The following CCDC39 variants were observed in gnomAD, a reference collection of about 807,000 sequenced individuals.
CCDC39 encodes the protein coiled-coil domain-containing protein 39.
In CCDC39, 113 loss-of-function variants were observed where a neutral mutation model predicts 121.0. The ratio of observed to expected loss-of-function variants is 0.93; its 90% confidence interval spans 0.80 to 1.09. The LOEUF is 1.09. Among genes scored for constraint, CCDC39 ranks in the 50% least tolerant of loss-of-function variants. The pLI is 0.00. For missense variants in CCDC39, 1,063 were observed against 1,074.7 expected (o/e 0.99, Z 0.15); for synonymous variants, 349 against 352.2 (o/e 0.99, Z 0.10).
chr3:180,668,015 G>A (rs1377792791), intron 1 of CCDC39, among the ~76,000 whole-genome samples: 4 of 152,138 alleles, frequency 2.6e-5, no homozygotes, highest in Admixed American at 2.6e-4. Context: ...GGCGAAGGCA[G>A]GTTTCTATAA....
At chr3:180,666,115 A>T (rs6770308) in intron 1 of CCDC39, among the ~76,000 whole-genome samples, 5,794 of 151,872 alleles carry the variant, frequency 0.038, 394 homozygotes, top group African/African-American at 0.13. Context: ...ATAAACACTG[A>T]CTCCCCATTC....
Position 180,660,645 on chromosome 3 carries a change from T to G in CCDC39, c.441A>C (p.Leu147Phe). ...NWDQQALEAW[L>F]EESAHKDSDA... ...CACTATCTTTATGAGCTGATTCTTC[T>G]AACCAGGCCTCCAATGCTTGCTGGT... Residue 147 changes from leucine to phenylalanine, a missense_variant, in exon 4 of 20, where the codon TTA becomes TTC. Transcript: ENST00000476379. 1.9e-6 allele frequency: 3 copies of G among 1,603,314 alleles called. No homozygotes were observed. The highest frequency in any genetic ancestry group is 2.6e-6 in the Non-Finnish European group (3 of 1,174,026).
intron 6 of CCDC39, among the ~76,000 whole-genome samples, chr3:180,658,291 AAAAAAAG>A (rs1326472172): frequency 6.7e-6 from 1 of 148,892 alleles, no homozygotes; most frequent in Admixed American, 6.7e-5. Flanking sequence ...TTAAAAAAAA[AAAAAAAG>A]AATTAAGAGA....
At chr3:180,646,259 C>T (rs1338526411) in intron 11 of CCDC39, among the ~76,000 whole-genome samples, 1 of 151,660 alleles carries the variant, frequency 6.6e-6, no homozygotes, top group Non-Finnish European at 1.5e-5. Context: ...TACTCCAAAC[C>T]AAAATTTTGT....
chr3:180,623,142 C>T (rs903425954), intron 14 of CCDC39, among the ~76,000 whole-genome samples: 4 of 148,688 alleles, frequency 2.7e-5, no homozygotes, highest in South Asian at 4.2e-4. Context: ...TTTATATTAT[C>T]GGTTTATTCG....
At chr3:180,646,590 T>A (rs1340594914) in intron 11 of CCDC39, among the ~76,000 whole-genome samples, 1 of 152,176 alleles carries the variant, frequency 6.6e-6, no homozygotes, top group Non-Finnish European at 1.5e-5. Flanking sequence ...TAACAACTGC[T>A]GACTCATAAA....
intron 7 of CCDC39, 117 bp downstream of exon 7, chr3:180,654,645 G>GAAAA: frequency 4.0e-5 from 18 of 448,710 alleles, no homozygotes; most frequent in South Asian, 1.8e-4. Context: ...AAAGAAAAAG[G>GAAAA]AAAAAAAAAA....
At chr3:180,633,112 T>C (rs1362345511) in intron 13 of CCDC39, among the ~76,000 whole-genome samples, 1 of 152,214 alleles carries the variant, frequency 6.6e-6, no homozygotes, top group Non-Finnish European at 1.5e-5. Flanking sequence ...TAATAGCTAT[T>C]ACGCTCTTTA....
At chr3:180,654,373 T>C (rs913770345) in intron 7 of CCDC39, among the ~76,000 whole-genome samples, 4 of 151,728 alleles carry the variant, frequency 2.6e-5, no homozygotes, top group African/African-American at 4.8e-5. Flanking sequence ...CTCCTTGACA[T>C]TGGTATCTGT....
intron 1 of CCDC39, among the ~76,000 whole-genome samples, chr3:180,677,033 T>C (rs1315013072): frequency 1.3e-5 from 2 of 150,100 alleles, no homozygotes; most frequent in East Asian, 2.0e-4. Flanking sequence ...CATTAGGAGA[T>C]ATACCTAATG....
intron 7 of CCDC39, among the ~76,000 whole-genome samples, chr3:180,653,036 T>A (rs1400013416): frequency 6.6e-6 from 1 of 152,214 alleles, no homozygotes; most frequent in Non-Finnish European, 1.5e-5. Flanking sequence ...GTTCATGGAT[T>A]GGAAGAATTA....
At chr3:180,661,568 CACTT>C (rs533736971) in intron 3 of CCDC39, among the ~76,000 whole-genome samples, 169 of 152,108 alleles carry the variant, frequency 1.1e-3, no homozygotes, top group African/African-American at 3.9e-3. Flanking sequence ...AAAAATCTAA[CACTT>C]ACATATAAAC....
In CCDC39 at chr3:180,661,998, T is replaced by A; in HGVS notation, c.220A>T (p.Lys74Ter). 6.4e-7 allele frequency: 1 copy of A among 1,551,006 alleles called. No individual in the cohort carries two copies. The highest frequency in any genetic ancestry group is 8.7e-7 in the Non-Finnish European group (1 of 1,146,774). Residue 74 changes from lysine (K) to a stop codon, truncating the protein, a stop_gained, in exon 3 of 20, where the codon AAA becomes TAA. Transcript: ENST00000476379. LOFTEE classifies it high-confidence loss of function. The stretch of plus-strand genomic sequence containing the variant: ...CTTTCAGTCTCACGCTCCCTTGCTT[T>A]GCAAAGAGACTACAGAATAACACAC... ...QELSITQSLC[K>*]ARERETESEE...
At chr3:180,619,599 T>C (rs1261154546) in intron 15 of CCDC39, among the ~76,000 whole-genome samples, 5 of 151,654 alleles carry the variant, frequency 3.3e-5, no homozygotes, top group Non-Finnish European at 2.9e-5. Flanking sequence ...AGAGGTGATA[T>C]GCCATACAGA....
In CCDC39 at chr3:180,614,832, C is replaced by A; in HGVS notation, c.*89G>T. On this transcript the variant is annotated 3_prime_UTR_variant, in exon 20 of 20. Transcript: ENST00000476379. Reference sequence around the variant, plus strand: ...ACTTACCACTAAGTTTTTACACTTTCCACTAGATAAAATGTGTTGGGTCGT... The same window carrying A: ...ACTTACCACTAAGTTTTTACACTTTACACTAGATAAAATGTGTTGGGTCGT... 8.3e-7 allele frequency: 1 copy of A among 1,201,508 alleles called. No individual in the cohort carries two copies. The highest frequency in any genetic ancestry group is 1.2e-6 in the Non-Finnish European group (1 of 866,100). The allele number at this position is 1,201,508 out of a possible 1,614,324, so 74.4% of individuals were successfully genotyped here.
In CCDC39 at chr3:180,679,168, G is replaced by T. The variant is rs1712320701; in HGVS notation, c.90+123C>A. On this transcript the variant is annotated intron_variant, in intron 1 of 19. Transcript: ENST00000476379. This position sits in a 1 kb window ranked among gnomAD's most constrained non-coding sequence, Gnocchi z 4.0. ...GGGAGGAGGGCGATGGTGCGGGGGA[G>T]TGTTAGAGGAAGCACAGGATTAGGA... is the stretch of plus-strand genomic sequence containing the variant. The T allele has an allele frequency of 1.3e-6, 1 of 773,758 alleles. No individual in the cohort carries two copies. The highest frequency in any genetic ancestry group is 2.4e-6 in the Non-Finnish European group (1 of 422,490). 47.9% of individuals were successfully genotyped at this position (773,758 alleles called of 1,614,324 possible). A position where few individuals can be genotyped will look rare whatever the true frequency, so the allele number is the denominator to read the frequency against.
intron 16 of CCDC39, chr3:180,617,263 A>T: frequency 2.1e-6 from 1 of 470,340 alleles, no homozygotes; most frequent in East Asian, 3.2e-5. Flanking sequence ...CTGCATTGCC[A>T]GTCATATAAA....
At chr3:180,633,791 A>G (rs1454375606) in intron 13 of CCDC39, among the ~76,000 whole-genome samples, 1 of 152,126 alleles carries the variant, frequency 6.6e-6, no homozygotes, top group Non-Finnish European at 1.5e-5. Flanking sequence ...GACCATACAG[A>G]AAGGAGTTCA....
chr3:180,650,206 C>A (rs781638051), intron 9 of CCDC39, among the ~76,000 whole-genome samples: 19 of 152,272 alleles, frequency 1.2e-4, no homozygotes, highest in Admixed American at 6.5e-4. Flanking sequence ...TTTTCCAGTT[C>A]CTCAAAAATT....
Sources: allele counts gnomAD v4.1 joint callset (sites outside exome capture counted in the v4.1 genomes callset), GRCh38; gene constraint gnomAD v4.1.1; non-coding constraint Gnocchi (gnomAD v3.1); transcripts MANE v1.5; gene names NCBI Gene and HGNC (gene_info 2026-07-23, HGNC 2026-07-21).